Variants in SDK1 observed in about 807,000 individuals in gnomAD.
SDK1 encodes the protein sidekick cell adhesion molecule 1.
SDK1 carries 157 observed loss-of-function variants against 245.5 expected under a neutral mutation model. That is an observed-to-expected ratio of 0.64 (90% CI 0.56 to 0.73). SDK1 has a LOEUF of 0.73. SDK1 is among the 30% of genes least tolerant of loss of function. SDK1 has a pLI of 0.00. For missense variants in SDK1, 3,583 were observed against 3,002.3 expected (o/e 1.19, Z -4.52); for synonymous variants, 1,647 against 1,278.5 (o/e 1.29, Z -6.15).
At chr7:3,703,883 T>G (rs1210135194) in intron 4 of SDK1, among the ~76,000 whole-genome samples, 2 of 152,234 alleles carry the variant, frequency 1.3e-5, no homozygotes, top group African/African-American at 4.8e-5. Context: ...TTTATTTTAT[T>G]TCTGCACATT....
intron 13 of SDK1, among the ~76,000 whole-genome samples, chr7:3,975,633 C>A (rs1043559797): frequency 5.3e-5 from 8 of 152,236 alleles, no homozygotes; most frequent in African/African-American, 1.9e-4. Context: ...AATGAGTGAA[C>A]TCACAAACAG....
chr7:4,020,926 CAT>C (rs1446589962), intron 17 of SDK1, among the ~76,000 whole-genome samples: 1 of 152,236 alleles, frequency 6.6e-6, no homozygotes, highest in Non-Finnish European at 1.5e-5. Flanking sequence ...ACATCACACA[CAT>C]GCCAGCACTG....
chr7:3,656,678 ACTCT>A (rs1181767406), intron 4 of SDK1, among the ~76,000 whole-genome samples: 1 of 150,786 alleles, frequency 6.6e-6, no homozygotes, highest in Non-Finnish European at 1.5e-5. Context: ...CTCCTTGGGA[ACTCT>A]CTCTCATGAC....
intron 35 of SDK1, among the ~76,000 whole-genome samples, chr7:4,186,215 C>T (rs568846121): frequency 1.1e-4 from 16 of 152,306 alleles, no homozygotes; most frequent in Admixed American, 3.3e-4. Context: ...CCAGATGTGT[C>T]GTGGGGACAC....
At chr7:3,719,040 A>T (rs1785286810) in intron 4 of SDK1, among the ~76,000 whole-genome samples, 1 of 152,188 alleles carries the variant, frequency 6.6e-6, no homozygotes, top group Non-Finnish European at 1.5e-5. Flanking sequence ...CTTGCTTTTC[A>T]TCCTAATGCC....
intron 1 of SDK1, among the ~76,000 whole-genome samples, chr7:3,519,747 T>C (rs1583989544): frequency 6.6e-6 from 1 of 152,260 alleles, no homozygotes; most frequent in South Asian, 2.1e-4. Flanking sequence ...ATAGAGGTTA[T>C]CATTAAATAA....
intron 36 of SDK1, among the ~76,000 whole-genome samples, chr7:4,206,703 A>G (rs1784245648): frequency 1.3e-5 from 2 of 152,014 alleles, no homozygotes; most frequent in Non-Finnish European, 2.9e-5. Flanking sequence ...CTCCTTAGAG[A>G]GTACAGGGCC....
intron 22 of SDK1, among the ~76,000 whole-genome samples, chr7:4,086,836 A>C (rs912834727): frequency 5.3e-5 from 8 of 152,116 alleles, no homozygotes; most frequent in Non-Finnish European, 2.9e-5. Context: ...TTCAGCCTCA[A>C]GCTAGTTTTC....
chr7:4,188,072 C>G (rs558815144), intron 35 of SDK1, among the ~76,000 whole-genome samples: 11 of 152,274 alleles, frequency 7.2e-5, no homozygotes, highest in South Asian at 6.2e-4. Context: ...ATGGGGAAAA[C>G]CACTCCCATG....
At chr7:3,791,173 A>T (rs947077568) in intron 4 of SDK1, among the ~76,000 whole-genome samples, 1 of 152,114 alleles carries the variant, frequency 6.6e-6, no homozygotes, top group African/African-American at 2.4e-5. Flanking sequence ...AACAAAAAAA[A>T]AAACACCTGT....
chr7:3,621,304 G>C (rs865957903), intron 2 of SDK1, among the ~76,000 whole-genome samples: 1 of 152,118 alleles, frequency 6.6e-6, no homozygotes, highest in African/African-American at 2.4e-5. Context: ...TCAACTTACC[G>C]GTGTGACTTT....
intron 35 of SDK1, among the ~76,000 whole-genome samples, chr7:4,184,486 G>T (rs550061744): frequency 6.6e-6 from 1 of 152,284 alleles, no homozygotes; most frequent in African/African-American, 2.4e-5. Flanking sequence ...CCTGGCCCGG[G>T]GTCAGCCCCC....
At chr7:3,624,611 A>C (rs1782054512) in intron 2 of SDK1, among the ~76,000 whole-genome samples, 1 of 152,226 alleles carries the variant, frequency 6.6e-6, no homozygotes, top group Non-Finnish European at 1.5e-5. Flanking sequence ...TTTTCACAAC[A>C]TTAAGTGAAT....
chr7:3,355,269 T>G (rs1438152373), intron 1 of SDK1, among the ~76,000 whole-genome samples: 1 of 152,234 alleles, frequency 6.6e-6, no homozygotes, highest in African/African-American at 2.4e-5. Flanking sequence ...ACTTTTAAAA[T>G]GTAGCTATCC....
chr7:3,962,864 A>C lies in SDK1; in HGVS notation c.1429+13A>C. On this transcript the variant is annotated intron_variant, in intron 9 of 44. Transcript: ENST00000404826. ...CTGGATGTAACCAGTGAGTACACCC[A>C]GGCCCACAGCTACCTGACCTGGACG... 6.2e-7 allele frequency: 1 copy of C among 1,603,516 alleles called. No homozygotes were observed. The highest frequency in any genetic ancestry group is 8.5e-7 in the Non-Finnish European group (1 of 1,174,708).
At chr7:3,868,240 CT>C (rs1427877022) in intron 5 of SDK1, among the ~76,000 whole-genome samples, 1 of 152,146 alleles carries the variant, frequency 6.6e-6, no homozygotes, top group East Asian at 1.9e-4. Flanking sequence ...AAAAATAAAC[CT>C]GTCACCAATC....
chr7:4,109,260 T>A (rs1410915837), intron 22 of SDK1, among the ~76,000 whole-genome samples: 2 of 152,200 alleles, frequency 1.3e-5, no homozygotes, highest in Non-Finnish European at 2.9e-5. Context: ...TGTTTTCAGC[T>A]GAAAGCGTTG....
At chr7:3,697,939 C>G (rs1288026661) in intron 4 of SDK1, among the ~76,000 whole-genome samples, 3 of 152,100 alleles carry the variant, frequency 2.0e-5, no homozygotes, top group Non-Finnish European at 2.9e-5. Context: ...TAGGAAGATA[C>G]TGAACAGTGG....
chr7:4,176,808 A>G (rs1344444065), intron 34 of SDK1, among the ~76,000 whole-genome samples: 1 of 152,216 alleles, frequency 6.6e-6, no homozygotes, highest in Non-Finnish European at 1.5e-5. Context: ...GAGAGCAGGC[A>G]TCAGAATCTG....
Sources: gnomAD v4.1 joint callset for allele counts (sites outside exome capture counted in the v4.1 genomes callset) on GRCh38, gnomAD v4.1.1 for gene constraint, MANE v1.5 for transcripts, NCBI Gene and HGNC (gene_info 2026-07-23, HGNC 2026-07-21) for gene names.